The following NTN1 variants were observed in gnomAD, a reference collection of about 807,000 sequenced individuals.
The protein encoded by NTN1 is netrin-1.
A neutral mutation model predicts 54.2 loss-of-function variants in NTN1; 11 were observed. The ratio of observed to expected loss-of-function variants is 0.20; its 90% CI spans 0.13 to 0.34. NTN1 has a LOEUF of 0.34. Among genes scored for constraint, NTN1 ranks in the 10% least tolerant of loss-of-function variants. The pLI is 1.00. For missense variants in NTN1, 740 were observed against 893.1 expected (o/e 0.83, Z 2.18); for synonymous variants, 371 against 382.0 (o/e 0.97, Z 0.33).
intron 5 of NTN1, among the ~76,000 whole-genome samples, chr17:9,220,385 G>A (rs574174343): frequency 8.5e-4 from 130 of 152,376 alleles, no homozygotes; most frequent in Middle Eastern, 6.8e-3. Context: ...CAGACTTGGC[G>A]AAGGAATTGT....
chr17:9,210,072 C>T (rs1905060119), intron 5 of NTN1, among the ~76,000 whole-genome samples: 1 of 152,102 alleles, frequency 6.6e-6, no homozygotes, highest in Non-Finnish European at 1.5e-5. Flanking sequence ...CAAACCCTAT[C>T]CAGCTCCCAT....
At chr17:9,063,944 A>G (rs528425343) in intron 2 of NTN1, among the ~76,000 whole-genome samples, 19 of 152,196 alleles carry the variant, frequency 1.2e-4, no homozygotes, top group African/African-American at 4.3e-4. Flanking sequence ...GCTTTTCCTT[A>G]CTGGGTTTTC....
At chr17:9,200,365 T>C (rs1415912682) in intron 5 of NTN1, among the ~76,000 whole-genome samples, 3 of 152,380 alleles carry the variant, frequency 2.0e-5, no homozygotes, top group Middle Eastern at 3.4e-3. Context: ...CCCGAATGGC[T>C]TCAGCTTATT....
chr17:9,202,251 A>T (rs773687644), intron 5 of NTN1, among the ~76,000 whole-genome samples: 8 of 151,842 alleles, frequency 5.3e-5, no homozygotes, highest in Non-Finnish European at 1.2e-4. Flanking sequence ...AAAAAAAAAG[A>T]TATAAAAGAT....
At chr17:9,215,656 G>T (rs895810118) in intron 5 of NTN1, among the ~76,000 whole-genome samples, 3 of 152,090 alleles carry the variant, frequency 2.0e-5, no homozygotes, top group African/African-American at 7.2e-5. Flanking sequence ...AAAAATCTTA[G>T]GTCACAAATT....
At chr17:9,089,440 A>G (rs1182447872) in intron 2 of NTN1, among the ~76,000 whole-genome samples, 1 of 151,798 alleles carries the variant, frequency 6.6e-6, no homozygotes, top group Non-Finnish European at 1.5e-5. Context: ...TTAAGGACAT[A>G]TGTTTTGGCT....
chr17:9,057,919 G>C (rs573968209), intron 2 of NTN1, among the ~76,000 whole-genome samples: 1 of 152,128 alleles, frequency 6.6e-6, no homozygotes, highest in Non-Finnish European at 1.5e-5. Flanking sequence ...ACAGAGTCTC[G>C]CTGTGTTGTC....
intron 4 of NTN1, 98 bp downstream of exon 4, chr17:9,180,054 T>C: frequency 2.2e-6 from 3 of 1,389,696 alleles, no homozygotes; most frequent in Non-Finnish European, 2.9e-6. Flanking sequence ...GTTCCTTTTT[T>C]GGTTGGTTGA....
intron 5 of NTN1, among the ~76,000 whole-genome samples, chr17:9,214,736 C>T (rs1196060944): frequency 2.0e-5 from 3 of 152,158 alleles, no homozygotes; most frequent in East Asian, 1.9e-4. Context: ...GCAGGAGAAT[C>T]GCTTGAACCC....
intron 2 of NTN1, among the ~76,000 whole-genome samples, chr17:9,077,802 A>G (rs551611881): frequency 6.6e-6 from 1 of 152,302 alleles, no homozygotes; most frequent in South Asian, 2.1e-4. Context: ...TCAGCCATGC[A>G]GGAGAGTTAA....
chr17:9,174,449 C>T (rs2092394937), intron 3 of NTN1: 1 of 152,362 alleles, frequency 6.6e-6, no homozygotes. Context: ...GACTGATTGG[C>T]TTAAACAACA....
intron 5 of NTN1, among the ~76,000 whole-genome samples, chr17:9,217,918 T>C (rs956228913): frequency 2.7e-5 from 4 of 150,388 alleles, no homozygotes; most frequent in Non-Finnish European, 5.9e-5. Context: ...TGTCATTTTC[T>C]GTAAGGGCAA....
chr17:9,118,589 AT>A (rs1266687664), intron 2 of NTN1, among the ~76,000 whole-genome samples: 1 of 152,166 alleles, frequency 6.6e-6, no homozygotes, highest in Non-Finnish European at 1.5e-5. Flanking sequence ...ACCATAATAG[AT>A]TTTAGGACCC....
At position 9,239,817 on chromosome 17, in the gene NTN1, A is replaced by T; in HGVS notation, c.1664A>T (p.Tyr555Phe). 6.2e-7 allele frequency: 1 copy of T among 1,613,556 alleles called. No individual in the cohort carries two copies. Among genetic ancestry groups the T allele is most frequent in the Non-Finnish European group, 8.5e-7 (1 of 1,179,998 alleles). ...CCCAAAATCAAGCCCCTCAAGAAGT[A>T]CCTGCTGCTGGGCAACGCGGAGGAC... ...KCPKIKPLKK[Y>F]LLLGNAEDSP... Residue 555 changes from tyrosine to phenylalanine, a missense_variant, in exon 7 of 7, where the codon TAC becomes TTC. Physicochemically the swap from Tyr to Phe is conservative, Grantham distance 22 (BLOSUM62 3). Coordinates refer to ENST00000173229, the MANE Select transcript of NTN1 (RefSeq NM_004822.3). This position sits in a 1 kb window ranked among gnomAD's most constrained non-coding sequence, Gnocchi z 5.2.
chr17:9,074,767 T>C (rs182133766), intron 2 of NTN1, among the ~76,000 whole-genome samples: 4 of 152,236 alleles, frequency 2.6e-5, no homozygotes, highest in African/African-American at 7.2e-5. Context: ...ACCCAAGGGT[T>C]GAGGCTGGAT....
At chr17:9,181,739 A>G (rs1223253173) in intron 4 of NTN1, among the ~76,000 whole-genome samples, 1 of 152,108 alleles carries the variant, frequency 6.6e-6, no homozygotes, top group East Asian at 1.9e-4. Context: ...TTTTACCGCA[A>G]AGAATCAGAT....
intron 5 of NTN1, among the ~76,000 whole-genome samples, chr17:9,202,198 A>G (rs563491909): frequency 1.5e-4 from 23 of 151,728 alleles, no homozygotes; most frequent in Non-Finnish European, 2.8e-4. Flanking sequence ...CTGAGATCGC[A>G]CCATTGAACT....
intron 2 of NTN1, among the ~76,000 whole-genome samples, chr17:9,039,162 GTTCAGTATTCACTCATTA>G (rs1471790073): frequency 6.6e-6 from 1 of 152,090 alleles, no homozygotes; most frequent in Non-Finnish European, 1.5e-5. Context: ...TATCTGGTAG[GTTCAGTATTCACTCATTA>G]TTCATCTGTT....
Position 9,092,982 on chromosome 17 carries a change from T to A in NTN1, c.1018+69591T>A, listed in dbSNP as rs191623707. 2.5e-4 allele frequency among the ~76,000 whole-genome samples: 38 copies of A among 152,256 alleles called. No homozygotes were observed. The East Asian group carries it at 6.4e-3, about 26-fold the overall frequency. ...ACTGCGTTAGCCAGGATGGTCTCGA[T>A]CTCCTGCCCTTGTGATCCGCCCGCC... On this transcript the variant is annotated intron_variant, in intron 2 of 6. Coordinates refer to ENST00000173229, the MANE Select transcript of NTN1 (RefSeq NM_004822.3).
Sources: gnomAD v4.1 joint callset for allele counts (sites outside exome capture counted in the v4.1 genomes callset) on GRCh38, gnomAD v4.1.1 for gene constraint, Gnocchi (gnomAD v3.1) non-coding constraint, MANE v1.5 for transcripts, NCBI Gene and HGNC (gene_info 2026-07-23, HGNC 2026-07-21) for gene names.